MTA3: variants seen among roughly 807,000 people sequenced by gnomAD.
MTA3 encodes the protein metastasis-associated protein MTA3.
MTA3 carries 34 observed loss-of-function variants against 83.5 expected under a neutral mutation model. That is an observed-to-expected ratio of 0.41 (90% CI 0.31 to 0.54). The LOEUF is 0.54. Among genes scored for constraint, MTA3 ranks in the 20% least tolerant of loss-of-function variants. The pLI is 0.33. For synonymous variants in MTA3, 303 were observed against 252.7 expected (o/e 1.20, Z -1.89); for missense variants, 761 against 726.4 (o/e 1.05, Z -0.55).
In MTA3 at chr2:42,625,495, C is replaced by G. The variant is rs550855771; in HGVS notation, c.318-14678C>G. ...GGCACAGTGGCTTATGCCTTTAATC[C>G]CAGCACTTTGGGAGGCCGAGGTGGG... On this transcript the variant is annotated intron_variant, in intron 4 of 16. Transcript: ENST00000405094. Among the ~76,000 whole-genome samples, 7 of 150,380 alleles carry G rather than the reference C, an allele frequency of 4.7e-5. No individual in the cohort carries two copies. The South Asian group carries it at 1.5e-3, about 32-fold the overall frequency.
In MTA3 at chr2:42,642,283, T is replaced by C. The variant is rs1687764474; in HGVS notation, c.382-1844T>C. On this transcript the variant is annotated intron_variant, in intron 5 of 16. Coordinates refer to ENST00000405094, the MANE Select transcript of MTA3 (RefSeq NM_001330442.2). ...TTTCATCTTATTATATTGTAGAGTA[T>C]GGCAAGCTCCTGTTTTTATTGGAGT... 2.0e-5 allele frequency among the ~76,000 whole-genome samples: 3 copies of C among 152,162 alleles called. No homozygotes were observed. The South Asian group carries it at 6.2e-4, about 32-fold the overall frequency.
chr2:42,709,781 G>A (rs1666446265), intron 14 of MTA3, among the ~76,000 whole-genome samples: 1 of 152,098 alleles, frequency 6.6e-6, no homozygotes, highest in Non-Finnish European at 1.5e-5. Flanking sequence ...GTCCAGTTTG[G>A]TTTCCATTTC....
At chr2:42,622,927 G>T (rs1685722061) in intron 4 of MTA3, among the ~76,000 whole-genome samples, 1 of 152,144 alleles carries the variant, frequency 6.6e-6, no homozygotes, top group Non-Finnish European at 1.5e-5. Context: ...GAATAATTAA[G>T]ATACGGTATA....
intron 4 of MTA3, among the ~76,000 whole-genome samples, chr2:42,636,722 G>C (rs948238306): frequency 9.3e-5 from 14 of 150,638 alleles, no homozygotes; most frequent in African/African-American, 2.9e-4. Context: ...CGGCTCCCAG[G>C]TTCAAGCCAT....
chr2:42,547,032 G>T (rs1475148395), intron 2 of MTA3, among the ~76,000 whole-genome samples: 1 of 152,148 alleles, frequency 6.6e-6, no homozygotes, highest in Admixed American at 6.6e-5. Flanking sequence ...AAACTGCAGA[G>T]GTTCCCCCCA....
intron 2 of MTA3, among the ~76,000 whole-genome samples, chr2:42,577,682 T>C (rs932185078): frequency 4.6e-5 from 7 of 152,196 alleles, no homozygotes; most frequent in Admixed American, 1.3e-4. Flanking sequence ...GGTTTTACTA[T>C]GTTGGCCAGG....
intron 2 of MTA3, among the ~76,000 whole-genome samples, chr2:42,551,771 G>A (rs959158999): frequency 2.7e-5 from 4 of 148,650 alleles, no homozygotes; most frequent in African/African-American, 5.2e-5. Context: ...ATGGAGTTTC[G>A]CTCTGGAGTG....
intron 14 of MTA3, among the ~76,000 whole-genome samples, chr2:42,709,717 A>G (rs562771071): frequency 6.6e-6 from 1 of 152,358 alleles, no homozygotes; most frequent in African/African-American, 2.4e-5. Flanking sequence ...TTCTGAAATT[A>G]CACATTGCAT....
chr2:42,696,885 A>T (rs549929796), intron 10 of MTA3, among the ~76,000 whole-genome samples: 1 of 152,232 alleles, frequency 6.6e-6, no homozygotes, highest in Non-Finnish European at 1.5e-5. Context: ...CAACTTAGGT[A>T]TAGATCAAGA....
chr2:42,673,157 A>AT (rs1690996448), intron 8 of MTA3, among the ~76,000 whole-genome samples: 1 of 151,728 alleles, frequency 6.6e-6, no homozygotes. Flanking sequence ...CCAGACCAGC[A>AT]TATGAAAAAC....
intron 3 of MTA3, among the ~76,000 whole-genome samples, chr2:42,582,219 G>T (rs770472891): frequency 6.6e-6 from 1 of 151,926 alleles, no homozygotes; most frequent in Non-Finnish European, 1.5e-5. Flanking sequence ...CACCACGCCC[G>T]GCTAATTTTT....
chr2:42,753,707 G>A lies in MTA3; in HGVS notation c.*308G>A, dbSNP rs1369569035. On this transcript the variant is annotated 3_prime_UTR_variant, in exon 17 of 17. Transcript: ENST00000405094. Reference sequence around the variant, plus strand: ...CCTCCTCCCTTCTGCAGCGCCCTGCGCCCCACCCAGCAACAGCGGCCACTT... The same window carrying A: ...CCTCCTCCCTTCTGCAGCGCCCTGCACCCCACCCAGCAACAGCGGCCACTT... 16 of 1,205,550 alleles carry A rather than the reference G, an allele frequency of 1.3e-5. No homozygotes were observed. Among genetic ancestry groups the A allele is most frequent in the Middle Eastern group, 3.4e-4 (1 of 2,902 alleles). The allele number at this position is 1,205,550 out of a possible 1,614,324, so 74.7% of individuals were successfully genotyped here.
intron 16 of MTA3, among the ~76,000 whole-genome samples, chr2:42,746,241 T>C (rs1000622414): frequency 1.3e-5 from 2 of 152,212 alleles, no homozygotes; most frequent in Non-Finnish European, 2.9e-5. Context: ...TTTCTGGTTT[T>C]ATTAAACTTG....
chr2:42,723,261 C>T (rs554296881), intron 16 of MTA3: 18 of 519,720 alleles, frequency 3.5e-5, no homozygotes, highest in Non-Finnish European at 5.4e-5. Flanking sequence ...TGTTAGGAGG[C>T]GTTTTTGGAG....
intron 15 of MTA3, among the ~76,000 whole-genome samples, chr2:42,720,155 C>T (rs1431311792): frequency 6.8e-6 from 1 of 147,488 alleles, no homozygotes; most frequent in Non-Finnish European, 1.5e-5. Context: ...TTATTCCTTG[C>T]TTTATTTATT....
intron 2 of MTA3, among the ~76,000 whole-genome samples, chr2:42,573,484 C>G (rs1264550246): frequency 6.6e-6 from 1 of 152,054 alleles, no homozygotes; most frequent in Non-Finnish European, 1.5e-5. Flanking sequence ...GTAGCTGAGA[C>G]TACAGGCATG....
chr2:42,688,224 G>C (rs1692563192), intron 9 of MTA3, among the ~76,000 whole-genome samples: 1 of 152,138 alleles, frequency 6.6e-6, no homozygotes, highest in Admixed American at 6.6e-5. Context: ...GGCATGTTGT[G>C]CCACCATGTC....
chr2:42,567,305 T>C (rs993200596), upstream of MTA3, among the ~76,000 whole-genome samples: 3 of 152,202 alleles, frequency 2.0e-5, no homozygotes, highest in Admixed American at 6.5e-5. Context: ...GTCAATGTAA[T>C]TCAATAGTGC....
chr2:42,727,988 A>G lies in MTA3; in HGVS notation c.1759+4953A>G, dbSNP rs557347350. 1.1e-4 allele frequency among the ~76,000 whole-genome samples: 17 copies of G among 152,296 alleles called. No individual in the cohort carries two copies. The South Asian group carries it at 2.1e-3, about 19-fold the overall frequency. ...ATTTTACTCTTTTAGTTATTTTAAC[A>G]TGTACGATAAATTATTGTTGCTGTA... On this transcript the variant is annotated intron_variant, in intron 16 of 16. Coordinates refer to ENST00000405094, the MANE Select transcript of MTA3 (RefSeq NM_001330442.2).
Sources: gnomAD v4.1 joint callset for allele counts (sites outside exome capture counted in the v4.1 genomes callset) on GRCh38, gnomAD v4.1.1 for gene constraint, MANE v1.5 for transcripts, NCBI Gene and HGNC (gene_info 2026-07-23, HGNC 2026-07-21) for gene names.